Variants in LRRC4C observed in about 807,000 individuals in gnomAD.
LRRC4C encodes the protein leucine rich repeat containing 4C.
A neutral mutation model predicts 33.6 loss-of-function variants in LRRC4C; 5 were observed. The observed-to-expected ratio is 0.15, with a 90% confidence interval of 0.08 to 0.31. LRRC4C has a LOEUF of 0.31. LRRC4C is among the 10% of genes least tolerant of loss of function. The probability of loss-of-function intolerance (pLI) is 1.00; values close to 1 mark genes in which losing one functional copy is unlikely to be tolerated. For synonymous variants in LRRC4C, 329 were observed against 302.0 expected, an observed-to-expected ratio of 1.09 and a Z score of -0.93; for missense variants, 560 against 796.7, an observed-to-expected ratio of 0.70 and a Z score of 3.58.
chr11:41,346,723 C>T (rs1951815638), intron 1 of LRRC4C, among the ~76,000 whole-genome samples: 2 of 152,186 alleles, frequency 1.3e-5, no homozygotes, highest in Non-Finnish European at 1.5e-5. Flanking sequence ...CAAAAAGTTC[C>T]GCATTATTGA....
chr11:41,351,142 A>C lies in LRRC4C; in HGVS notation c.-496+108289T>G, dbSNP rs115940739. ...CAGTTACTCAGCAGGCTGGGGTGGGAGGATTGCTTGAGTCTGAGAGATTGA... is the reference window on the plus strand; with the variant it reads ...CAGTTACTCAGCAGGCTGGGGTGGGCGGATTGCTTGAGTCTGAGAGATTGA... On this transcript the variant is annotated intron_variant, in intron 1 of 6. Coordinates refer to ENST00000528697, the MANE Select transcript of LRRC4C (RefSeq NM_001258419.2). Among the ~76,000 whole-genome samples the C allele has an allele frequency of 4.2e-3, 645 of 152,102 alleles. 3 individuals carry two copies. The highest frequency in any genetic ancestry group is 0.014 in the African/African-American group (568 of 41,496).
In LRRC4C at chr11:41,340,610, A is replaced by G. The variant is rs1951602661; in HGVS notation, c.-496+118821T>C. Among the ~76,000 whole-genome samples the G allele has an allele frequency of 2.0e-5, 3 of 152,312 alleles. No homozygotes were observed. In the South Asian group the frequency reaches 6.2e-4, roughly 32 times the overall value. On this transcript the variant is annotated intron_variant, in intron 1 of 6. Transcript: ENST00000528697. ...TTTATGTGTTTGGGGCCCTTATCCA[A>G]AGAAACTCAGAGACCTAGGATCATA...
At chr11:40,500,456 G>A (rs1954704918) in intron 3 of LRRC4C, among the ~76,000 whole-genome samples, 1 of 151,700 alleles carries the variant, frequency 6.6e-6, no homozygotes, top group Admixed American at 6.6e-5. Flanking sequence ...AGACATACCT[G>A]AGACTGGGAA....
At chr11:41,049,795 A>G (rs1487194237) in intron 1 of LRRC4C, among the ~76,000 whole-genome samples, 1 of 152,180 alleles carries the variant, frequency 6.6e-6, no homozygotes, top group Non-Finnish European at 1.5e-5. Context: ...GGATCCAGTG[A>G]TCTGGCATGT....
intron 4 of LRRC4C, among the ~76,000 whole-genome samples, chr11:40,272,697 A>C (rs1324988788): frequency 6.6e-6 from 1 of 152,206 alleles, no homozygotes; most frequent in East Asian, 1.9e-4. Context: ...CTAGTGCGAA[A>C]TGATAATTTC....
At chr11:40,674,800 C>A (rs1442682596) in intron 2 of LRRC4C, among the ~76,000 whole-genome samples, 1 of 152,238 alleles carries the variant, frequency 6.6e-6, no homozygotes, top group Non-Finnish European at 1.5e-5. Flanking sequence ...GTGCTAAAAG[C>A]TTTTCACCAT....
intron 1 of LRRC4C, among the ~76,000 whole-genome samples, chr11:41,366,704 G>A (rs1054631714): frequency 8.5e-5 from 13 of 152,128 alleles, no homozygotes; most frequent in Non-Finnish European, 1.5e-4. Flanking sequence ...GGTCATGAGT[G>A]TGGGTCTTAA....
chr11:40,947,190 A>T (rs1958442607), intron 1 of LRRC4C, among the ~76,000 whole-genome samples: 1 of 152,148 alleles, frequency 6.6e-6, no homozygotes, highest in Non-Finnish European at 1.5e-5. Context: ...TGACTTTTTT[A>T]TGTTGAACAG....
chr11:40,670,610 A>G (rs1316848806), intron 2 of LRRC4C, among the ~76,000 whole-genome samples: 1 of 152,226 alleles, frequency 6.6e-6, no homozygotes, highest in Non-Finnish European at 1.5e-5. Flanking sequence ...ATGTATGCCC[A>G]TAAAACCACC....
intron 2 of LRRC4C, among the ~76,000 whole-genome samples, chr11:40,891,909 G>A (rs1245756576): frequency 1.3e-5 from 2 of 152,076 alleles, no homozygotes; most frequent in Non-Finnish European, 2.9e-5. Flanking sequence ...GCCAAGGTGG[G>A]TGTATCACGA....
intron 5 of LRRC4C, among the ~76,000 whole-genome samples, chr11:40,225,783 A>G (rs916504119): frequency 6.6e-6 from 1 of 151,852 alleles, no homozygotes; most frequent in Admixed American, 6.6e-5. Flanking sequence ...CACCCGGCTA[A>G]TATTTTTCTA....
intron 2 of LRRC4C, among the ~76,000 whole-genome samples, chr11:40,889,729 C>T (rs1955618009): frequency 6.6e-6 from 1 of 152,040 alleles, no homozygotes; most frequent in African/African-American, 2.4e-5. Flanking sequence ...TGCTATTTTT[C>T]TGTTTCTGTT....
chr11:40,951,554 T>C (rs965567144), intron 1 of LRRC4C, among the ~76,000 whole-genome samples: 8 of 152,048 alleles, frequency 5.3e-5, no homozygotes, highest in Non-Finnish European at 8.8e-5. Context: ...ATCAATTTTG[T>C]TGCCCTGAGT....
chr11:40,634,167 G>A (rs1360525108), intron 3 of LRRC4C, among the ~76,000 whole-genome samples: 1 of 152,144 alleles, frequency 6.6e-6, no homozygotes, highest in Admixed American at 6.5e-5. Context: ...GACTAATAAA[G>A]GATGGAAAAC....
chr11:40,159,403 A>G (rs923234411), intron 5 of LRRC4C, among the ~76,000 whole-genome samples: 33 of 152,192 alleles, frequency 2.2e-4, no homozygotes, highest in Non-Finnish European at 8.8e-5. Flanking sequence ...TAAAAATGCA[A>G]TAAGAGCCCT....
intron 1 of LRRC4C, among the ~76,000 whole-genome samples, chr11:41,317,535 A>G (rs939725256): frequency 6.6e-5 from 10 of 152,070 alleles, no homozygotes; most frequent in African/African-American, 2.4e-4. Context: ...CACGTTCCAT[A>G]CCCAACATAA....
intron 1 of LRRC4C, among the ~76,000 whole-genome samples, chr11:41,347,017 T>C (rs755738896): frequency 1.8e-4 from 28 of 152,222 alleles, no homozygotes; most frequent in African/African-American, 4.6e-4. Flanking sequence ...ACAATTCATA[T>C]AGCACAGGAA....
intron 2 of LRRC4C, among the ~76,000 whole-genome samples, chr11:40,802,580 TA>T (rs1951084096): frequency 1.3e-5 from 2 of 152,112 alleles, no homozygotes; most frequent in African/African-American, 4.8e-5. Flanking sequence ...ATTATTTCTT[TA>T]ACCCTTAATG....
At chr11:40,592,585 C>A (rs1303558468) in intron 3 of LRRC4C, among the ~76,000 whole-genome samples, 1 of 152,162 alleles carries the variant, frequency 6.6e-6, no homozygotes, top group African/African-American at 2.4e-5. Flanking sequence ...GAATGCCCTG[C>A]CTTTTTTTGC....
Sources: gnomAD v4.1 joint callset for allele counts (sites outside exome capture counted in the v4.1 genomes callset) on GRCh38, gnomAD v4.1.1 for gene constraint, MANE v1.5 for transcripts, NCBI Gene and HGNC (gene_info 2026-07-23, HGNC 2026-07-21) for gene names.